TPRG1L: variants seen among roughly 807,000 people sequenced by gnomAD.
TPRG1L encodes tumor protein p63 regulated 1 like, also known as tumor protein p63-regulated gene 1-like protein.
A neutral mutation model predicts 29.4 loss-of-function variants in TPRG1L; 25 were observed. The observed-to-expected ratio is 0.85, with a 90% CI of 0.62 to 1.19. The LOEUF is 1.19. Ranked by LOEUF, TPRG1L falls within the 50% of genes most tolerant of loss-of-function variation. TPRG1L has a pLI of 0.00. For synonymous variants in TPRG1L, 182 were observed against 151.1 expected, an observed-to-expected ratio of 1.20 and a Z score of -1.50; for missense variants, 354 against 364.4, an observed-to-expected ratio of 0.97 and a Z score of 0.23.
intron 4 of TPRG1L, among the ~76,000 whole-genome samples, chr1:3,628,124 C>T (rs961806901): frequency 1.1e-4 from 16 of 152,314 alleles, no homozygotes; most frequent in Middle Eastern, 3.4e-3. Context: ...GGTTGGGTGA[C>T]GGCAAAGCCA....
Position 3,628,489 on chromosome 1 carries a change from C to T in TPRG1L, c.705C>T (p.Gly235=), listed in dbSNP as rs746550480. 2.0e-5 allele frequency: 32 copies of T among 1,613,984 alleles called. No individual in the cohort carries two copies. Among genetic ancestry groups the T allele is most frequent in the South Asian group, 5.5e-5 (5 of 91,078 alleles). Reference sequence around the variant, plus strand: ...GCCCTTTGCCAGGACAGGCGAATGGCGTGCTGATCCTGGAGCGCCCCCTGC... The same window carrying T: ...GCCCTTTGCCAGGACAGGCGAATGGTGTGCTGATCCTGGAGCGCCCCCTGC... ...KESPLPGQAN[G]VLILERPLLI... The change falls in exon 5 of 5, where the codon GGC becomes GGT. Residue 235 remains glycine (G), a synonymous_variant. Coordinates refer to ENST00000378344, the MANE Select transcript of TPRG1L (RefSeq NM_182752.4).
chr1:3,625,325 G>A lies in TPRG1L; in HGVS notation c.201+52G>A, dbSNP rs1051846953. 3.9e-5 allele frequency: 59 copies of A among 1,503,986 alleles called. No individual in the cohort carries two copies. In the Admixed American group the frequency reaches 1.2e-3, roughly 32 times the overall value. 93.2% of individuals were successfully genotyped at this position (1,503,986 alleles called of 1,614,324 possible). A position where few individuals can be genotyped will look rare whatever the true frequency, so the allele number is the denominator to read the frequency against. On this transcript the variant is annotated intron_variant, in intron 1 of 4. Transcript: ENST00000378344. ...GGGGCCGAGGGCGCGGGGCGGGATG[G>A]GGGCGGGTGGGGTCGGAGGCGGGCG...
intron 3 of TPRG1L, 76 bp downstream of exon 3, chr1:3,625,965 GCCC>G: frequency 7.2e-7 from 1 of 1,388,284 alleles, no homozygotes; most frequent in Non-Finnish European, 9.7e-7. Context: ...TTTTAAATCA[GCCC>G]CCCAAGCGGT....
intron 3 of TPRG1L, among the ~76,000 whole-genome samples, chr1:3,626,573 T>C (rs1644490853): frequency 6.6e-6 from 1 of 151,126 alleles, no homozygotes; most frequent in South Asian, 2.1e-4. Context: ...CTAGCCTATC[T>C]ATAATTATTC....
intron 3 of TPRG1L, 144 bp downstream of exon 3, chr1:3,626,033 G>A: frequency 1.2e-6 from 1 of 823,592 alleles, no homozygotes; most frequent in Non-Finnish European, 1.8e-6. Context: ...AAATATCAAT[G>A]GGAAGTTCCT....
Position 3,628,665 on chromosome 1 carries a change from G to C in TPRG1L, c.*62G>C. On this transcript the variant is annotated 3_prime_UTR_variant, in exon 5 of 5. Coordinates refer to ENST00000378344, the MANE Select transcript of TPRG1L (RefSeq NM_182752.4). ...CTCCTCCCCCTCCCCAGAAGGCCAA[G>C]GGATGTGGGGGCTGGGGGACTGGGA... 1 of 1,463,460 alleles carries C rather than the reference G, an allele frequency of 6.8e-7. No homozygotes were observed. Among genetic ancestry groups the C allele is most frequent in the Non-Finnish European group, 9.2e-7 (1 of 1,083,724 alleles). 90.7% of individuals were successfully genotyped at this position (1,463,460 alleles called of 1,614,324 possible).
chr1:3,627,335 AAAAT>A (rs1488469510), intron 3 of TPRG1L, among the ~76,000 whole-genome samples, 161 bp from the exon 4 acceptor site: 1 of 150,898 alleles, frequency 6.6e-6, no homozygotes, highest in Non-Finnish European at 1.5e-5. Context: ...AATAAAAACA[AAAAT>A]AAAAACTACA....
At position 3,625,283 on chromosome 1, in the gene TPRG1L, G is replaced by A; in HGVS notation, c.201+10G>A. On this transcript the variant is annotated intron_variant, in intron 1 of 4. Transcript: ENST00000378344. ...GTACTTCGTGTTCCGGGTGAGGCAG[G>A]GGCCAGGGCCGGGGCGGGGGCCGAG... The A allele has an allele frequency of 2.8e-6, 4 of 1,404,536 alleles. No individual in the cohort carries two copies. Among genetic ancestry groups the A allele is most frequent in the South Asian group, 1.6e-5 (1 of 62,350 alleles). The allele number at this position is 1,404,536 out of a possible 1,614,324, so 87.0% of individuals were successfully genotyped here. A position where few individuals can be genotyped will look rare whatever the true frequency, so the allele number is the denominator to read the frequency against.
chr1:3,626,751 G>A (rs1357676277), intron 3 of TPRG1L, among the ~76,000 whole-genome samples: 6 of 151,804 alleles, frequency 4.0e-5, no homozygotes, highest in Non-Finnish European at 8.8e-5. Context: ...GCTAATTTTT[G>A]TATTTTTTGT....
chr1:3,625,742 G>A lies in TPRG1L; in HGVS notation c.323G>A (p.Arg108Gln), dbSNP rs138986148. 80 of 1,613,096 alleles carry A rather than the reference G, an allele frequency of 5.0e-5. No homozygotes were observed. Among genetic ancestry groups the A allele is most frequent in the Non-Finnish European group, 6.8e-5 (80 of 1,179,878 alleles). Residue 108 changes from arginine (R) to glutamine (Q), a missense_variant, in exon 3 of 5, where the codon CGG (arginine) becomes CAG (glutamine). Arg to Gln is a conservative substitution (Grantham distance 43). Transcript: ENST00000378344. ...GATCACTGGAACAATGAGAAGGAGC[G>A]GCTGGTGCTGGTCACGGAGCAGTCC... Reference protein sequence around the residue: ...EVDHWNNEKERLVLVTEQSLL... With the variant: ...EVDHWNNEKEQLVLVTEQSLL...
intron 2 of TPRG1L, 28 bp downstream of exon 2, chr1:3,625,543 G>GC: frequency 6.6e-7 from 1 of 1,513,314 alleles, no homozygotes; most frequent in East Asian, 2.4e-5. Context: ...TCTCCTTGGT[G>GC]GGGGGACTCG....
At chr1:3,625,953 C>A in intron 3 of TPRG1L, 64 bp downstream of exon 3, 1 of 1,465,504 alleles carries the variant, frequency 6.8e-7, no homozygotes, top group African/African-American at 1.4e-5. Context: ...ACAATTCAGC[C>A]CTTTTAAATC....
chr1:3,628,099 G>T (rs1644501920), intron 4 of TPRG1L, among the ~76,000 whole-genome samples: 1 of 152,216 alleles, frequency 6.6e-6, no homozygotes, highest in Non-Finnish European at 1.5e-5. Context: ...CCTCGGCCTG[G>T]TTACTGACCT....
intron 3 of TPRG1L, among the ~76,000 whole-genome samples, chr1:3,627,038 C>T (rs953996488): frequency 1.6e-4 from 24 of 152,254 alleles, no homozygotes; most frequent in African/African-American, 3.6e-4. Context: ...CGGCCAGGCA[C>T]GGTGGCTCAC....
chr1:3,625,384 G>A (rs1469413032), intron 1 of TPRG1L, 40 bp from the exon 2 acceptor site: 4 of 1,553,020 alleles, frequency 2.6e-6, no homozygotes. Flanking sequence ...GCTGTGACCT[G>A]TGATCTTTGC....
intron 3 of TPRG1L, among the ~76,000 whole-genome samples, chr1:3,626,310 G>C (rs751984904): frequency 6.6e-6 from 1 of 152,190 alleles, no homozygotes; most frequent in African/African-American, 2.4e-5. Flanking sequence ...GTAATTTATA[G>C]ATACCACTAA....
Position 3,625,812 on chromosome 1 carries a change from G to C in TPRG1L, c.393G>C (p.Gln131His), listed in dbSNP as rs745649153. The C allele has an allele frequency of 1.2e-6, 2 of 1,613,754 alleles. No individual in the cohort carries two copies. Among genetic ancestry groups the C allele is most frequent in the Non-Finnish European group, 8.5e-7 (1 of 1,180,022 alleles). The change falls in exon 3 of 5, where the codon CAG becomes CAC. Residue 131 changes from glutamine to histidine, a missense_variant. Physicochemically the swap from Gln to His is conservative, Grantham distance 24. Coordinates refer to ENST00000378344, the MANE Select transcript of TPRG1L (RefSeq NM_182752.4). ...ACTTCATCAGTCTCCAGTGCCAGCA[G>C]GTGGTGCGGATAGCGCTCAACGCAG... ...KYDFISLQCQQVVRIALNAVD... is the reference protein window; with the variant it reads ...KYDFISLQCQHVVRIALNAVD...
intron 4 of TPRG1L, 29 bp downstream of exon 4, chr1:3,627,682 G>A (rs201402100): frequency 1.4e-5 from 23 of 1,610,618 alleles, no homozygotes; most frequent in Admixed American, 8.3e-5. Flanking sequence ...AAATAGCCGC[G>A]CCCCCCGCAG....
At position 3,625,041 on chromosome 1, in the gene TPRG1L, C is replaced by A; in HGVS notation, c.-32C>A. On this transcript the variant is annotated 5_prime_UTR_variant, in exon 1 of 5. Transcript: ENST00000378344. ...GCTGCGGCGACGGCGGTCGCGTCGG[C>A]GTCAGGGTCGGGGTCGGTAAGGGGT... is the stretch of plus-strand genomic sequence containing the variant. The A allele has an allele frequency of 8.4e-7, 1 of 1,193,624 alleles. No individual in the cohort carries two copies. The highest frequency in any genetic ancestry group is 1.0e-6 in the Non-Finnish European group (1 of 955,330). The allele number at this position is 1,193,624 out of a possible 1,614,324, so 73.9% of individuals were successfully genotyped here.
Sources: gnomAD v4.1 joint callset for allele counts (sites outside exome capture counted in the v4.1 genomes callset) on GRCh38, gnomAD v4.1.1 for gene constraint, MANE v1.5 for transcripts, NCBI Gene and HGNC (gene_info 2026-07-23, HGNC 2026-07-21) for gene names.